Variants in UTRN observed in about 807,000 individuals in gnomAD.
The protein encoded by UTRN is utrophin, also known as dystrophin-related protein 1.
A neutral mutation model predicts 463.9 loss-of-function variants in UTRN; 283 were observed. The observed-to-expected ratio is 0.61, with a 90% CI of 0.55 to 0.67. UTRN has a LOEUF of 0.67. UTRN is among the 30% of genes least tolerant of loss of function. The probability of loss-of-function intolerance (pLI) is 0.00; values close to 1 mark genes in which losing one functional copy is unlikely to be tolerated. For synonymous variants in UTRN, 1,442 were observed against 1,431.5 expected, an observed-to-expected ratio of 1.01 and a Z score of -0.17; for missense variants, 3,922 against 4,084.3, an observed-to-expected ratio of 0.96 and a Z score of 1.08.
chr6:144,465,518 T>G (rs961925925), intron 23 of UTRN, among the ~76,000 whole-genome samples: 1 of 152,240 alleles, frequency 6.6e-6, no homozygotes, highest in Admixed American at 6.5e-5. Context: ...AGTACTTTTT[T>G]TATTTGCTTC....
At chr6:144,846,855 A>G in intron 74 of UTRN, 28 bp downstream of exon 74, 2 of 1,613,934 alleles carry the variant, frequency 1.2e-6, no homozygotes, top group East Asian at 2.2e-5. Context: ...GGTTGGCTCT[A>G]TGTTACTGAT....
chr6:144,563,476 T>C (rs1419042267), intron 50 of UTRN, among the ~76,000 whole-genome samples: 1 of 152,178 alleles, frequency 6.6e-6, no homozygotes, highest in Non-Finnish European at 1.5e-5. Context: ...GGCTCAACCT[T>C]CAAGCTCTTA....
intron 72 of UTRN, 130 bp downstream of exon 72, chr6:144,839,414 C>A: frequency 1.6e-6 from 1 of 620,128 alleles, no homozygotes; most frequent in Non-Finnish European, 2.7e-6. Flanking sequence ...TGTATTTGGT[C>A]TTAAATAGGT....
At chr6:144,666,316 G>C (rs566361486) in intron 51 of UTRN, among the ~76,000 whole-genome samples, 1 of 152,148 alleles carries the variant, frequency 6.6e-6, no homozygotes, top group Non-Finnish European at 1.5e-5. Flanking sequence ...TGCAGTGCAG[G>C]CTTCTAAATT....
At chr6:144,621,955 T>G (rs2128647955) in intron 51 of UTRN, among the ~76,000 whole-genome samples, 1 of 152,164 alleles carries the variant, frequency 6.6e-6, no homozygotes, top group Middle Eastern at 3.4e-3. Context: ...CTCTTCTCCT[T>G]TTTTTGGTTA....
chr6:144,742,260 C>T (rs1002685284), intron 54 of UTRN, among the ~76,000 whole-genome samples: 4 of 152,064 alleles, frequency 2.6e-5, no homozygotes, highest in African/African-American at 7.2e-5. Flanking sequence ...TAATTAGAAG[C>T]ACTAATCAGC....
At chr6:144,408,169 A>G (rs1240954319) in intron 3 of UTRN, among the ~76,000 whole-genome samples, 1 of 152,256 alleles carries the variant, frequency 6.6e-6, no homozygotes, top group Non-Finnish European at 1.5e-5. Context: ...AATCTGTGAT[A>G]GTCCTGATCT....
chr6:144,289,115 C>T (rs549196699), intron 1 of UTRN, among the ~76,000 whole-genome samples: 1 of 152,174 alleles, frequency 6.6e-6, no homozygotes, highest in South Asian at 2.1e-4. Context: ...CTCTTTTTGT[C>T]ATCTCCGCTT....
chr6:144,360,901 T>C (rs1418360478), intron 2 of UTRN, among the ~76,000 whole-genome samples: 6 of 152,196 alleles, frequency 3.9e-5, no homozygotes, highest in Admixed American at 6.5e-5. Flanking sequence ...AAACTACTTA[T>C]ATTTGAATCC....
intron 50 of UTRN, among the ~76,000 whole-genome samples, chr6:144,566,053 A>C (rs150727106): frequency 1.5e-3 from 231 of 152,306 alleles, no homozygotes; most frequent in Non-Finnish European, 2.9e-3. Context: ...GAAGATAAGA[A>C]AGTGAGATTT....
At chr6:144,395,206 A>G (rs1446028211) in intron 2 of UTRN, among the ~76,000 whole-genome samples, 2 of 152,132 alleles carry the variant, frequency 1.3e-5, no homozygotes, top group Non-Finnish European at 2.9e-5. Context: ...TATCATTATG[A>G]CTAATTCACT....
intron 6 of UTRN, 93 bp from the exon 7 acceptor site, chr6:144,426,194 G>C: frequency 6.9e-7 from 1 of 1,455,504 alleles, no homozygotes; most frequent in Non-Finnish European, 9.3e-7. Flanking sequence ...TGGTTAATTA[G>C]TGCAATATTG....
At chr6:144,697,225 G>A (rs1784112041) in intron 52 of UTRN, among the ~76,000 whole-genome samples, 1 of 152,062 alleles carries the variant, frequency 6.6e-6, no homozygotes, top group Non-Finnish European at 1.5e-5. Context: ...GTGAACTGAA[G>A]CAGCTGAGAT....
In UTRN at chr6:144,493,267, G is replaced by A. The variant is rs372905121; in HGVS notation, c.4438-34G>A. ...CCAGTTGGCAAGTTGTCACCACAGT[G>A]TGTAATTTGTCTTTTTCTTTGTTTG... On this transcript the variant is annotated intron_variant, in intron 32 of 74. Transcript: ENST00000367545. The A allele has an allele frequency of 9.8e-5, 158 of 1,609,534 alleles. 2 individuals are homozygous for A. The African/African-American group carries it at 1.8e-3, about 18-fold the overall frequency.
intron 9 of UTRN, among the ~76,000 whole-genome samples, chr6:144,433,908 A>G (rs1190763649): frequency 3.5e-5 from 5 of 142,362 alleles, no homozygotes; most frequent in South Asian, 2.3e-4. Flanking sequence ...ATGGGCGGCC[A>G]GGCAGAGACG....
At chr6:144,640,596 G>T (rs548345020) in intron 51 of UTRN, among the ~76,000 whole-genome samples, 219 of 152,210 alleles carry the variant, frequency 1.4e-3, no homozygotes, top group African/African-American at 4.9e-3. Context: ...GAGCAGGGAG[G>T]TATATAATCA....
At chr6:144,801,713 T>C (rs1200181257) in intron 64 of UTRN, among the ~76,000 whole-genome samples, 1 of 152,190 alleles carries the variant, frequency 6.6e-6, no homozygotes, top group African/African-American at 2.4e-5. Context: ...ATTAGAACTT[T>C]AGTTTTCTTT....
chr6:144,396,050 G>A (rs753960087), intron 2 of UTRN, among the ~76,000 whole-genome samples: 11 of 152,170 alleles, frequency 7.2e-5, no homozygotes, highest in Admixed American at 2.6e-4. Flanking sequence ...CAAAGGAACT[G>A]AAATCGGGAA....
At chr6:144,709,641 C>A (rs1586146583) in intron 53 of UTRN, among the ~76,000 whole-genome samples, 1 of 152,130 alleles carries the variant, frequency 6.6e-6, no homozygotes, top group African/African-American at 2.4e-5. Flanking sequence ...CAACACAATA[C>A]TGATTAATTT....
Sources: allele counts gnomAD v4.1 joint callset (sites outside exome capture counted in the v4.1 genomes callset), GRCh38; gene constraint gnomAD v4.1.1; transcripts MANE v1.5; gene names NCBI Gene and HGNC (gene_info 2026-07-23, HGNC 2026-07-21).